Variants in CATSPERD observed in about 807,000 individuals in gnomAD.
The protein encoded by CATSPERD is catsper channel auxiliary subunit delta.
CATSPERD carries 86 observed loss-of-function variants against 98.1 expected under a neutral mutation model. That is an observed-to-expected ratio of 0.88 (90% CI 0.74 to 1.05). CATSPERD has a LOEUF of 1.05. Ranked by LOEUF, CATSPERD falls within the 50% of genes least tolerant of loss-of-function variation. CATSPERD has a pLI of 0.00. For missense variants in CATSPERD, 995 were observed against 1,005.7 expected, an observed-to-expected ratio of 0.99 and a Z score of 0.14; for synonymous variants, 394 against 390.2, an observed-to-expected ratio of 1.01 and a Z score of -0.12.
At chr19:5,746,940 G>A (rs1162975138) in intron 9 of CATSPERD, among the ~76,000 whole-genome samples, 1 of 151,822 alleles carries the variant, frequency 6.6e-6, no homozygotes. Flanking sequence ...CCTTCCCTGG[G>A]CTCAAACGAT....
At chr19:5,741,330 T>C (rs2055959779) in intron 7 of CATSPERD, among the ~76,000 whole-genome samples, 1 of 152,048 alleles carries the variant, frequency 6.6e-6, no homozygotes, top group Admixed American at 6.6e-5. Flanking sequence ...ACCGAGTAAT[T>C]TATAAGGAAC....
rs768213227 is a variant in CATSPERD, at chr19:5,727,318, C to G, written c.177C>G (p.Cys59Trp). The G allele has an allele frequency of 1.2e-6, 2 of 1,613,160 alleles. No individual in the cohort carries two copies. Among genetic ancestry groups the G allele is most frequent in the East Asian group, 4.5e-5 (2 of 44,866 alleles). The change falls in exon 3 of 22, where the codon TGC becomes TGG. Residue 59 changes from cysteine to tryptophan, a missense_variant. By Grantham distance (215) the Cys-to-Trp change is radical (BLOSUM62 -2). Around this residue, in one of 3 missense-constraint regions of CATSPERD, gnomAD observed 228 missense variants for 209.6 expected, o/e 1.09. Transcript: ENST00000381624. ...PTTTRLIKHPCEKNIALYLGK... is the reference protein window; with the variant it reads ...PTTTRLIKHPWEKNIALYLGK... ...CAACACGCTTGATTAAACATCCTTG[C>G]GAGAAAAATATAGCACTATATCTAG...
At chr19:5,741,449 TG>T (rs2055961934) in intron 7 of CATSPERD, among the ~76,000 whole-genome samples, 1 of 152,016 alleles carries the variant, frequency 6.6e-6, no homozygotes, top group Non-Finnish European at 1.5e-5. Flanking sequence ...GTGCCTATGT[TG>T]GGGGGTCCTC....
chr19:5,739,382 T>TA lies in CATSPERD; in HGVS notation c.517dup (p.Ile173AsnfsTer17). On this transcript the variant is annotated frameshift_variant, in exon 7 of 22. Transcript: ENST00000381624. LOFTEE classifies it high-confidence loss of function. Reference sequence around the variant, plus strand: ...GTGGAGATCAGATATCCCAGACTTATATATATTATTCAAATACTGGGGGAT... The same window carrying TA: ...GTGGAGATCAGATATCCCAGACTTATAATATATTATTCAAATACTGGGGGAT... 1 of 1,587,474 alleles carries TA rather than the reference T, an allele frequency of 6.3e-7. No individual in the cohort carries two copies. Among genetic ancestry groups the TA allele is most frequent in the Non-Finnish European group, 8.5e-7 (1 of 1,170,338 alleles).
chr19:5,734,323 C>T (rs1042998496), intron 5 of CATSPERD, among the ~76,000 whole-genome samples: 2 of 151,000 alleles, frequency 1.3e-5, no homozygotes, highest in African/African-American at 2.4e-5. Context: ...ACCAACATGG[C>T]GAAACCCGGT....
intron 7 of CATSPERD, among the ~76,000 whole-genome samples, 158 bp from the exon 8 acceptor site, chr19:5,744,269 C>T (rs1049752923): frequency 5.3e-5 from 8 of 152,048 alleles, no homozygotes; most frequent in Non-Finnish European, 1.0e-4. Flanking sequence ...CGTGAACCAC[C>T]GCACCCAATT....
intron 15 of CATSPERD, 111 bp downstream of exon 15, chr19:5,759,255 C>A: frequency 2.0e-6 from 2 of 1,017,040 alleles, no homozygotes; most frequent in Non-Finnish European, 3.1e-6. Flanking sequence ...AACAGTAAAA[C>A]AAGGCGATTA....
intron 16 of CATSPERD, among the ~76,000 whole-genome samples, chr19:5,765,299 C>T (rs1424507968): frequency 2.0e-5 from 3 of 152,158 alleles, no homozygotes; most frequent in Non-Finnish European, 4.4e-5. Context: ...CTGAGGGTGC[C>T]GTGCACTGCA....
intron 4 of CATSPERD, among the ~76,000 whole-genome samples, chr19:5,731,373 A>G (rs1471172264): frequency 6.6e-6 from 1 of 151,820 alleles, no homozygotes. Flanking sequence ...CTGTTGTTCC[A>G]GCAACTCAGG....
rs773137259 is a variant in CATSPERD, at chr19:5,748,253, T to A, written c.902T>A (p.Val301Asp). 10 of 1,613,304 alleles carry A rather than the reference T, an allele frequency of 6.2e-6. No homozygotes were observed. The highest frequency in any genetic ancestry group is 8.5e-6 in the Non-Finnish European group (10 of 1,179,408). Residue 301 changes from valine to aspartate, a missense_variant and splice_region_variant, in exon 10 of 22, where the codon GTC becomes GAC. Coordinates refer to ENST00000381624, the MANE Select transcript of CATSPERD (RefSeq NM_152784.4). ...EAKITIHNIA[V>D]TENELAVITR... ...AAGATCACCATCCACAACATTGCTG[T>A]CAGTGCGTAGCCGACCCACTGCTAG... is the stretch of plus-strand genomic sequence containing the variant.
Position 5,750,677 on chromosome 19 carries a change from G to A in CATSPERD, c.988-970G>A, listed in dbSNP as rs1002377677. Among the ~76,000 whole-genome samples, 6 of 151,908 alleles carry A rather than the reference G, an allele frequency of 3.9e-5. No homozygotes were observed. The South Asian group carries it at 1.2e-3, about 32-fold the overall frequency. On this transcript the variant is annotated intron_variant, in intron 11 of 21. Transcript: ENST00000381624. ...TTGAACCCGGGAGACGGAGGTTGCA[G>A]TGAGCCGAGATCGTGCCACTGCACT...
chr19:5,772,825 G>A lies in CATSPERD; in HGVS notation c.1801G>A (p.Glu601Lys), dbSNP rs777858219. ...CAGTTTCCAGGAGGTCATCGACGCC[G>A]AGTATGTGTTACTGGAGGTGAACGG... ...KDSFQEVIDA[E>K]YVLLEVNGQF... The change falls in exon 20 of 22, where the codon GAG (glutamate) becomes AAG (lysine). Residue 601 changes from glutamate (E) to lysine (K), a missense_variant. This residue lies in a region of CATSPERD where 762 missense variants were observed against 773.7 expected (regional missense o/e 0.98). Transcript: ENST00000381624. The A allele has an allele frequency of 9.9e-6, 16 of 1,613,960 alleles. No individual in the cohort carries two copies. In the South Asian group the frequency reaches 1.1e-4, roughly 11 times the overall value.
At chr19:5,721,974 C>G (rs2055492448) in intron 1 of CATSPERD, among the ~76,000 whole-genome samples, 1 of 142,572 alleles carries the variant, frequency 7.0e-6, no homozygotes, top group South Asian at 2.2e-4. Flanking sequence ...AAGGGAGACT[C>G]TGTCTCAAAG....
intron 13 of CATSPERD, among the ~76,000 whole-genome samples, chr19:5,755,159 G>C (rs1292330925): frequency 6.6e-6 from 1 of 151,900 alleles, no homozygotes; most frequent in Non-Finnish European, 1.5e-5. Flanking sequence ...TCTTAACTCA[G>C]CCTGAGTTGG....
At position 5,729,938 on chromosome 19, in the gene CATSPERD, A is replaced by T. The variant is rs1403495517; in HGVS notation, c.270A>T (p.Ser90=). ...TCCTTCCATTTACCATCCCTACATC[A>T]ATGCAGGTAGTTATTTTACTGAGTG... The part of the protein sequence containing the change: ...TSLLPFTIPT[S]MQVGVPEVTS... Residue 90 remains serine (S), a synonymous_variant, in exon 4 of 22, where the codon TCA becomes TCT. Coordinates refer to ENST00000381624, the MANE Select transcript of CATSPERD (RefSeq NM_152784.4). 6.4e-7 allele frequency: 1 copy of T among 1,563,920 alleles called. No homozygotes were observed. Among genetic ancestry groups the T allele is most frequent in the Non-Finnish European group, 8.8e-7 (1 of 1,138,448 alleles).
intron 18 of CATSPERD, among the ~76,000 whole-genome samples, chr19:5,769,065 A>C (rs1197217282): frequency 6.6e-6 from 1 of 151,082 alleles, no homozygotes; most frequent in Non-Finnish European, 1.5e-5. Flanking sequence ...GAGGCAGGAG[A>C]GTTGCTTGAA....
intron 7 of CATSPERD, among the ~76,000 whole-genome samples, chr19:5,743,691 T>TCGCTCTTC (rs140067898): frequency 3.4e-5 from 2 of 59,556 alleles, no homozygotes; most frequent in African/African-American, 4.8e-5. Context: ...TTCCTCTCTC[T>TCGCTCTTC]CTCTCTCTCT....
At chr19:5,724,167 C>T (rs866064052) in intron 1 of CATSPERD, among the ~76,000 whole-genome samples, 2 of 151,828 alleles carry the variant, frequency 1.3e-5, no homozygotes, top group Non-Finnish European at 2.9e-5. Context: ...CTCAGCTGAT[C>T]CACCCACCTT....
intron 15 of CATSPERD, among the ~76,000 whole-genome samples, chr19:5,762,066 T>A (rs1189959254): frequency 5.0e-4 from 13 of 26,034 alleles, no homozygotes; most frequent in South Asian, 1.7e-3. Context: ...ATATTTTTTT[T>A]TTTTTTTTTT....
Sources: gnomAD v4.1 joint callset for allele counts (sites outside exome capture counted in the v4.1 genomes callset) on GRCh38, gnomAD v4.1.1 for gene constraint, gnomAD v4.1.1 regional missense constraint, MANE v1.5 for transcripts, NCBI Gene and HGNC (gene_info 2026-07-23, HGNC 2026-07-21) for gene names.